SUCLG2: variants seen among roughly 807,000 people sequenced by gnomAD.
SUCLG2 encodes the protein succinate--CoA ligase [GDP-forming] subunit beta, mitochondrial.
Under a neutral mutation model 47.9 loss-of-function variants are expected in SUCLG2, and 42 were observed. The observed-to-expected ratio is 0.88, with a 90% CI of 0.69 to 1.14. SUCLG2 has a LOEUF of 1.14. Among genes scored for constraint, SUCLG2 ranks in the 50% most tolerant of loss-of-function variants. The pLI, the probability that SUCLG2 is intolerant of heterozygous loss-of-function variation, is 0.00. For missense variants in SUCLG2, 571 were observed against 525.9 expected, an observed-to-expected ratio of 1.09 and a Z score of -0.84; for synonymous variants, 195 against 197.3, an observed-to-expected ratio of 0.99 and a Z score of 0.10.
rs143711367 is a variant in SUCLG2 at position 67,631,350 on chromosome 3, G to A, written c.85-21754C>T. On this transcript the variant is annotated intron_variant, in intron 1 of 10. Coordinates refer to ENST00000307227, the MANE Select transcript of SUCLG2 (RefSeq NM_003848.4). ...GGAGTATAAAGTATTTACTATGGCC[G>A]GGTGTGAGGGCTCATACCTGTACTC... Among the ~76,000 whole-genome samples, 475 of 152,176 alleles carry A rather than the reference G, an allele frequency of 3.1e-3. 7 individuals carry two copies. The highest frequency in any genetic ancestry group is 0.031 in the South Asian group (147 of 4,814).
At position 67,520,586 on chromosome 3, in the gene SUCLG2, T is replaced by C; in HGVS notation, c.466A>G (p.Ile156Val). The C allele has an allele frequency of 6.2e-7, 1 of 1,613,932 alleles. No individual in the cohort carries two copies. The highest frequency in any genetic ancestry group is 1.3e-5 in the African/African-American group (1 of 75,032). ...LDISRETYLA[I>V]LMDRSCNGPV... ...CCATTGCAGGACCGGTCCATCAGAA[T>C]TGCCAGGTAGGTTTCTCTGGAAATA... The change falls in exon 5 of 11, where the codon ATT (isoleucine) becomes GTT (valine). Residue 156 changes from isoleucine to valine, a missense_variant. Transcript: ENST00000307227.
At chr3:67,411,668 C>T (rs1279256924) in intron 9 of SUCLG2, among the ~76,000 whole-genome samples, 1 of 152,086 alleles carries the variant, frequency 6.6e-6, no homozygotes, top group Non-Finnish European at 1.5e-5. Flanking sequence ...CAATTTACTG[C>T]CAAATTTCTT....
chr3:67,491,362 T>C (rs925365191), intron 9 of SUCLG2, among the ~76,000 whole-genome samples: 2 of 90,104 alleles, frequency 2.2e-5, no homozygotes, highest in Non-Finnish European at 3.8e-5. Flanking sequence ...TTTCTTTTAC[T>C]TTTTTTTTTT....
intron 2 of SUCLG2, among the ~76,000 whole-genome samples, chr3:67,597,209 A>C (rs1708312902): frequency 6.6e-6 from 1 of 152,216 alleles, no homozygotes. Context: ...AGGCAAAGAC[A>C]CCGAGTTGAT....
chr3:67,442,687 G>A (rs1703801676), intron 9 of SUCLG2, among the ~76,000 whole-genome samples: 1 of 152,162 alleles, frequency 6.6e-6, no homozygotes, highest in Non-Finnish European at 1.5e-5. Flanking sequence ...CAAATGTAAA[G>A]ATTTTTCCTA....
chr3:67,612,499 G>A (rs1700547842), intron 1 of SUCLG2, among the ~76,000 whole-genome samples: 1 of 152,048 alleles, frequency 6.6e-6, no homozygotes, highest in African/African-American at 2.4e-5. Context: ...AATATAAACT[G>A]CTGAATAATA....
chr3:67,399,801 A>C (rs901051793), intron 10 of SUCLG2, among the ~76,000 whole-genome samples: 1 of 152,200 alleles, frequency 6.6e-6, no homozygotes, highest in South Asian at 2.1e-4. Context: ...CAGATTCCAC[A>C]TGGAAACTAA....
At chr3:67,488,920 C>T (rs772389206) in intron 9 of SUCLG2, among the ~76,000 whole-genome samples, 1 of 152,140 alleles carries the variant, frequency 6.6e-6, no homozygotes, top group Non-Finnish European at 1.5e-5. Flanking sequence ...TACTAAGCCC[C>T]AAATCTGTTA....
At chr3:67,420,122 T>C (rs779661164) in intron 9 of SUCLG2, among the ~76,000 whole-genome samples, 4 of 152,134 alleles carry the variant, frequency 2.6e-5, no homozygotes, top group Non-Finnish European at 5.9e-5. Context: ...ATACTTGCCA[T>C]CCTAAATTCA....
At chr3:67,486,464 T>C (rs62256396) in intron 9 of SUCLG2, among the ~76,000 whole-genome samples, 83,070 of 152,036 alleles carry the variant, frequency 0.55, 23,986 homozygotes, top group Middle Eastern at 0.66. Flanking sequence ...CCATTGTTCT[T>C]AGCGGAAAAA....
At chr3:67,406,338 T>C (rs1412037203) in intron 9 of SUCLG2, among the ~76,000 whole-genome samples, 4 of 152,154 alleles carry the variant, frequency 2.6e-5, no homozygotes, top group Non-Finnish European at 5.9e-5. Context: ...GCAAGAAAGA[T>C]TTTAAAATTA....
At chr3:67,462,795 G>A (rs73104321) in intron 9 of SUCLG2, among the ~76,000 whole-genome samples, 3,511 of 152,284 alleles carry the variant, frequency 0.023, 53 homozygotes, top group African/African-American at 0.037. Context: ...AATCAGCATC[G>A]GAAGTGAGGC....
intron 2 of SUCLG2, among the ~76,000 whole-genome samples, chr3:67,560,177 A>C (rs1455465427): frequency 6.6e-6 from 1 of 152,194 alleles, no homozygotes; most frequent in Non-Finnish European, 1.5e-5. Context: ...TGAGAATGTG[A>C]TCTTATTTGG....
chr3:67,430,051 A>G (rs527727920), intron 9 of SUCLG2, among the ~76,000 whole-genome samples: 1 of 152,342 alleles, frequency 6.6e-6, no homozygotes, highest in South Asian at 2.1e-4. Flanking sequence ...CGAGAGGGAA[A>G]GTTAACAAGG....
chr3:67,538,694 T>C (rs1559563131), intron 2 of SUCLG2, among the ~76,000 whole-genome samples: 1 of 152,238 alleles, frequency 6.6e-6, no homozygotes, highest in African/African-American at 2.4e-5. Flanking sequence ...TCCATAAGCA[T>C]GGAATGTTTT....
intron 2 of SUCLG2, among the ~76,000 whole-genome samples, chr3:67,597,409 G>T (rs1450675600): frequency 6.6e-6 from 1 of 152,120 alleles, no homozygotes; most frequent in African/African-American, 2.4e-5. Context: ...GGATGTCTTT[G>T]TTCTCTTATT....
At chr3:67,651,698 A>T (rs1276370235) in intron 1 of SUCLG2, among the ~76,000 whole-genome samples, 1 of 152,184 alleles carries the variant, frequency 6.6e-6, no homozygotes, top group Non-Finnish European at 1.5e-5. Context: ...CTGGGTTTGC[A>T]TTCAGTTTAT....
At chr3:67,535,038 T>C (rs777198462) in intron 2 of SUCLG2, among the ~76,000 whole-genome samples, 1 of 152,114 alleles carries the variant, frequency 6.6e-6, no homozygotes, top group Non-Finnish European at 1.5e-5. Flanking sequence ...AATACCTGTG[T>C]AACACTTGTA....
At chr3:67,491,745 T>C (rs934370314) in intron 9 of SUCLG2, among the ~76,000 whole-genome samples, 2 of 152,232 alleles carry the variant, frequency 1.3e-5, no homozygotes, top group Admixed American at 6.5e-5. Context: ...ATTTGTATAC[T>C]GTTCTGTATG....
Sources: allele counts gnomAD v4.1 joint callset (sites outside exome capture counted in the v4.1 genomes callset), GRCh38; gene constraint gnomAD v4.1.1; transcripts MANE v1.5; gene names NCBI Gene and HGNC (gene_info 2026-07-23, HGNC 2026-07-21).